The following HS6ST2 variants were observed in gnomAD, a reference collection of about 807,000 sequenced individuals.
HS6ST2 encodes heparan-sulfate 6-O-sulfotransferase 2.
In HS6ST2, 17 loss-of-function variants were observed where a neutral mutation model predicts 33.0. That is an observed-to-expected ratio of 0.52 (90% CI 0.35 to 0.77). The LOEUF is 0.77. Ranked by LOEUF, HS6ST2 falls within the 30% of genes least tolerant of loss-of-function variation. The probability of loss-of-function intolerance (pLI) is 0.01; values close to 1 mark genes in which losing one functional copy is unlikely to be tolerated. For synonymous variants in HS6ST2, 248 were observed against 237.1 expected (o/e 1.05, Z -0.42); for missense variants, 519 against 551.7 (o/e 0.94, Z 0.59).
At chrX:132,665,692 G>A (rs17000283) in intron 4 of HS6ST2, among the ~76,000 whole-genome samples, 9,434 of 110,691 alleles carry the variant, frequency 0.085, 989 homozygotes, top group African/African-American at 0.29. Context: ...GATTGGTCAT[G>A]GGTCAACCTC....
intron 2 of HS6ST2, among the ~76,000 whole-genome samples, chrX:132,820,309 A>G (rs1315401235): frequency 9.0e-6 from 1 of 111,310 alleles, no homozygotes; most frequent in Non-Finnish European, 1.9e-5. Context: ...GAAAGACCCT[A>G]ATAGATAGGG....
rs1292961150 is a variant in HS6ST2, at chrX:132,627,701, C to T, written c.*522G>A. 9.0e-6 allele frequency: 1 copy of T among 111,675 alleles called. No individual in the cohort carries two copies. Among genetic ancestry groups the T allele is most frequent in the East Asian group, 2.8e-4 (1 of 3,568 alleles). 9.2% of individuals were successfully genotyped at this position (111,675 alleles called of 1,213,427 possible). A position where few individuals can be genotyped will look rare whatever the true frequency, so the allele number is the denominator to read the frequency against. The stretch of plus-strand genomic sequence containing the variant: ...TTTTCTACAGCTCGGTAAGATTCAC[C>T]ATCAGTTGTTATTCTATTTAAATAG... On this transcript the variant is annotated 3_prime_UTR_variant, in exon 5 of 5. Transcript: ENST00000370833.
intron 2 of HS6ST2, among the ~76,000 whole-genome samples, chrX:132,725,215 TA>T (rs900659057): frequency 9.1e-6 from 1 of 110,155 alleles, no homozygotes; most frequent in Non-Finnish European, 1.9e-5. Flanking sequence ...AAGAGAGAAA[TA>T]ATATAATATA....
intron 4 of HS6ST2, among the ~76,000 whole-genome samples, chrX:132,644,200 G>A (rs1318436836): frequency 9.4e-6 from 1 of 106,749 alleles, no homozygotes; most frequent in Non-Finnish European, 1.9e-5. Flanking sequence ...AAGAGGGAAG[G>A]AAGGGAGGAA....
At chrX:132,933,333 A>T (rs1030652362) in intron 2 of HS6ST2, among the ~76,000 whole-genome samples, 2 of 110,339 alleles carry the variant, frequency 1.8e-5, no homozygotes, top group East Asian at 2.8e-4. Context: ...GTCTCAATTT[A>T]AAAAAAAATT....
At chrX:132,645,610 A>ATT (rs2063634630) in intron 4 of HS6ST2, among the ~76,000 whole-genome samples, 1 of 112,222 alleles carries the variant, frequency 8.9e-6, no homozygotes, top group Non-Finnish European at 1.9e-5. Context: ...CAGGGAGAAC[A>ATT]TGTCGACCTT....
At chrX:132,660,729 T>C (rs2063765407) in intron 4 of HS6ST2, among the ~76,000 whole-genome samples, 1 of 111,966 alleles carries the variant, frequency 8.9e-6, no homozygotes, top group African/African-American at 3.2e-5. Context: ...CATTATTGTA[T>C]GTGTCTTTTT....
chrX:132,668,297 G>A (rs2063825302), intron 4 of HS6ST2: 1 of 111,013 alleles, frequency 9.0e-6, no homozygotes, highest in South Asian at 3.8e-4. Flanking sequence ...GCTCTTTCTG[G>A]ACTGAGTTTC....
Position 132,958,623 on chromosome X carries a change from G to A in HS6ST2, c.-21C>T. 1 of 1,134,409 alleles carries A rather than the reference G, an allele frequency of 8.8e-7. No homozygotes were observed. The highest frequency in any genetic ancestry group is 1.2e-6 in the Non-Finnish European group (1 of 852,976). 93.5% of individuals were successfully genotyped at this position (1,134,409 alleles called of 1,213,427 possible). A position where few individuals can be genotyped will look rare whatever the true frequency, so the allele number is the denominator to read the frequency against. On this transcript the variant is annotated 5_prime_UTR_variant, in exon 1 of 5. Coordinates refer to ENST00000370833, the MANE Select transcript of HS6ST2 (RefSeq NM_001394073.1). ...GCCATTCCCCCCTTCAGGCAACTCA[G>A]GGTACTAAGGATCACGAGCGAGCTT...
intron 4 of HS6ST2, among the ~76,000 whole-genome samples, chrX:132,648,697 C>A (rs1034943240): frequency 9.0e-6 from 1 of 111,254 alleles, no homozygotes; most frequent in African/African-American, 3.3e-5. Flanking sequence ...AATTCCAAAA[C>A]GGGGTGGAAT....
chrX:132,704,084 C>T (rs956025355), intron 3 of HS6ST2, among the ~76,000 whole-genome samples: 1 of 111,967 alleles, frequency 8.9e-6, no homozygotes, highest in African/African-American at 3.3e-5. Context: ...TATTTGCACA[C>T]ATTCAAAATC....
intron 2 of HS6ST2, among the ~76,000 whole-genome samples, chrX:132,876,307 C>T (rs1471380881): frequency 4.5e-5 from 5 of 111,746 alleles, no homozygotes; most frequent in African/African-American, 1.3e-4. Context: ...TGAGACCCAT[C>T]CAGAGTTACA....
At chrX:132,657,799 A>G (rs2063741783) in intron 4 of HS6ST2, among the ~76,000 whole-genome samples, 1 of 105,005 alleles carries the variant, frequency 9.5e-6, no homozygotes, top group African/African-American at 3.5e-5. Context: ...AAAAACTGCA[A>G]TTACTTTTGC....
At chrX:132,948,379 A>G (rs1352349082) in intron 2 of HS6ST2, among the ~76,000 whole-genome samples, 1 of 112,528 alleles carries the variant, frequency 8.9e-6, no homozygotes, top group African/African-American at 3.2e-5. Flanking sequence ...ATACATTTAT[A>G]TCATAGGATA....
At chrX:132,653,858 A>G (rs775585970) in intron 4 of HS6ST2, among the ~76,000 whole-genome samples, 28 of 111,596 alleles carry the variant, frequency 2.5e-4, no homozygotes, top group Non-Finnish European at 4.3e-4. Flanking sequence ...TTCAACAGAC[A>G]CTGCAGCAGT....
At chrX:132,851,607 T>G (rs893175608) in intron 2 of HS6ST2, among the ~76,000 whole-genome samples, 14 of 112,415 alleles carry the variant, frequency 1.2e-4, no homozygotes, top group African/African-American at 4.5e-4. Context: ...AGAGACAATT[T>G]AAATATCACA....
chrX:132,667,923 G>T (rs1386914642), intron 4 of HS6ST2, among the ~76,000 whole-genome samples: 1 of 112,552 alleles, frequency 8.9e-6, no homozygotes, highest in Non-Finnish European at 1.9e-5. Context: ...TGATTATGGT[G>T]CTCAGCAATA....
chrX:132,671,105 TC>T (rs1340484662), intron 3 of HS6ST2, among the ~76,000 whole-genome samples: 1 of 112,744 alleles, frequency 8.9e-6, no homozygotes, highest in African/African-American at 3.2e-5. Context: ...CTCGATGACT[TC>T]CTGGCAAAGG....
At chrX:132,644,348 T>A (rs989285882) in intron 4 of HS6ST2, among the ~76,000 whole-genome samples, 11 of 111,061 alleles carry the variant, frequency 9.9e-5, no homozygotes, top group African/African-American at 3.6e-4. Flanking sequence ...AGTTTCTCAC[T>A]CAATCCTATG....
Sources: allele counts gnomAD v4.1 joint callset (sites outside exome capture counted in the v4.1 genomes callset), GRCh38; gene constraint gnomAD v4.1.1; transcripts MANE v1.5; gene names NCBI Gene and HGNC (gene_info 2026-07-23, HGNC 2026-07-21).